The following NTM variants were observed in gnomAD, a reference collection of about 807,000 sequenced individuals.
NTM encodes neurotrimin, also known as IgLON family member 2.
NTM carries 13 observed loss-of-function variants against 42.1 expected under a neutral mutation model. That is an observed-to-expected ratio of 0.31 (90% CI 0.20 to 0.49). The LOEUF (loss-of-function observed/expected upper bound fraction) is 0.49, where lower values mean the gene tolerates loss of function less well. Ranked by LOEUF, NTM falls within the 20% of genes least tolerant of loss-of-function variation. NTM has a pLI of 0.99. For synonymous variants in NTM, 187 were observed against 179.2 expected (o/e 1.04, Z -0.35); for missense variants, 373 against 452.8 (o/e 0.82, Z 1.60).
intron 2 of NTM, among the ~76,000 whole-genome samples, chr11:132,096,371 G>A (rs560750108): frequency 1.2e-4 from 18 of 152,240 alleles, no homozygotes; most frequent in Admixed American, 5.9e-4. Flanking sequence ...AATGGTTCCC[G>A]CTCACAATGG....
intron 5 of NTM, among the ~76,000 whole-genome samples, chr11:132,309,879 A>T (rs1489792996): frequency 6.6e-6 from 1 of 152,110 alleles, no homozygotes. Context: ...AACATGGTGA[A>T]ACCCCGTCGC....
intron 1 of NTM, among the ~76,000 whole-genome samples, chr11:131,373,636 C>G (rs892024183): frequency 1.3e-5 from 2 of 152,010 alleles, no homozygotes; most frequent in Non-Finnish European, 2.9e-5. Context: ...CAGGCGCTGT[C>G]CCTTGCAGAA....
intron 3 of NTM, among the ~76,000 whole-genome samples, chr11:132,183,400 A>G (rs1417603134): frequency 1.3e-5 from 2 of 152,132 alleles, no homozygotes; most frequent in Non-Finnish European, 2.9e-5. Context: ...ACCAGGCACC[A>G]TGGAGAAACT....
At chr11:132,018,287 G>A (rs1200143189) in intron 2 of NTM, among the ~76,000 whole-genome samples, 4 of 151,744 alleles carry the variant, frequency 2.6e-5, no homozygotes, top group African/African-American at 9.7e-5. Context: ...GTCAAAATTA[G>A]ACATTCATGC....
intron 1 of NTM, among the ~76,000 whole-genome samples, chr11:131,692,692 A>G (rs945445522): frequency 1.3e-5 from 2 of 152,344 alleles, no homozygotes; most frequent in Middle Eastern, 3.4e-3. Flanking sequence ...TGCCTTCCCT[A>G]GCTTCATAAA....
intron 1 of NTM, among the ~76,000 whole-genome samples, chr11:131,667,670 C>G (rs2069318711): frequency 6.6e-6 from 1 of 152,206 alleles, no homozygotes; most frequent in African/African-American, 2.4e-5. Flanking sequence ...GTGCTTCTCT[C>G]AACAGGAATA....
At chr11:131,889,399 C>A (rs1294940042) in intron 1 of NTM, among the ~76,000 whole-genome samples, 2 of 152,332 alleles carry the variant, frequency 1.3e-5, no homozygotes, top group East Asian at 3.9e-4. Flanking sequence ...GCCAGGCTGG[C>A]CTCACACATC....
At chr11:131,694,492 G>A (rs542360581) in intron 1 of NTM, among the ~76,000 whole-genome samples, 1 of 152,368 alleles carries the variant, frequency 6.6e-6, no homozygotes, top group African/African-American at 2.4e-5. Flanking sequence ...ACCCAGCTCA[G>A]AGTAGGGGGA....
intron 4 of NTM, among the ~76,000 whole-genome samples, chr11:132,222,055 C>T (rs2085272641): frequency 6.6e-6 from 1 of 152,162 alleles, no homozygotes; most frequent in Non-Finnish European, 1.5e-5. Flanking sequence ...TTACCCGCAC[C>T]TGTGTCATCG....
intron 1 of NTM, among the ~76,000 whole-genome samples, chr11:131,801,892 C>T: frequency 6.6e-6 from 1 of 152,112 alleles, no homozygotes; most frequent in East Asian, 1.9e-4. Context: ...ATGACCCCAG[C>T]CCTGTGCCAC....
At chr11:131,586,073 A>T (rs913854533) in intron 1 of NTM, among the ~76,000 whole-genome samples, 1 of 152,110 alleles carries the variant, frequency 6.6e-6, no homozygotes, top group Non-Finnish European at 1.5e-5. Flanking sequence ...GTGTGTGTGT[A>T]TGAGTGTGTT....
intron 4 of NTM, among the ~76,000 whole-genome samples, chr11:132,230,322 C>A (rs1043224717): frequency 1.3e-5 from 2 of 152,154 alleles, no homozygotes; most frequent in African/African-American, 4.8e-5. Context: ...TTTAGAGCAG[C>A]ACTGTGAAGT....
chr11:131,438,215 T>C (rs1054866703), intron 1 of NTM, among the ~76,000 whole-genome samples: 12 of 152,190 alleles, frequency 7.9e-5, no homozygotes, highest in Non-Finnish European at 1.5e-4. Flanking sequence ...CCCTTAAAAT[T>C]TTTTCCTTCA....
chr11:131,949,125 C>G (rs933097571), intron 2 of NTM, among the ~76,000 whole-genome samples: 1 of 152,170 alleles, frequency 6.6e-6, no homozygotes, highest in Admixed American at 6.5e-5. Context: ...GTGATGTCCT[C>G]CAGGTTCATC....
At chr11:132,064,636 A>G (rs1198936041) in intron 2 of NTM, among the ~76,000 whole-genome samples, 1 of 152,178 alleles carries the variant, frequency 6.6e-6, no homozygotes, top group African/African-American at 2.4e-5. Context: ...GAGCCTCACT[A>G]AAGCCCTGGA....
chr11:131,600,581 T>C (rs889507039), intron 1 of NTM, among the ~76,000 whole-genome samples: 10 of 152,204 alleles, frequency 6.6e-5, no homozygotes, highest in Non-Finnish European at 1.0e-4. Flanking sequence ...CTCCCAGCCA[T>C]GCTATTGCTT....
intron 1 of NTM, among the ~76,000 whole-genome samples, chr11:131,493,782 C>T (rs1955049758): frequency 6.6e-6 from 1 of 152,136 alleles, no homozygotes; most frequent in Non-Finnish European, 1.5e-5. Context: ...ACTGTACCTC[C>T]CTATTCCTTT....
chr11:131,584,896 T>C (rs77408200), intron 1 of NTM, among the ~76,000 whole-genome samples: 2,244 of 152,138 alleles, frequency 0.015, 59 homozygotes, highest in African/African-American at 0.051. Context: ...GCATCGGGCC[T>C]GGTGCTGCCA....
chr11:131,443,470 C>G (rs566451783), intron 1 of NTM, among the ~76,000 whole-genome samples: 3 of 152,226 alleles, frequency 2.0e-5, no homozygotes, highest in African/African-American at 4.8e-5. Context: ...TCCAGAGAAG[C>G]CTGTCCTGCA....
Sources: gnomAD v4.1 joint callset for allele counts (sites outside exome capture counted in the v4.1 genomes callset) on GRCh38, gnomAD v4.1.1 for gene constraint, MANE v1.5 for transcripts, NCBI Gene and HGNC (gene_info 2026-07-23, HGNC 2026-07-21) for gene names.